CRY1: variants seen among roughly 807,000 people sequenced by gnomAD.
The protein encoded by CRY1 is cryptochrome-1.
CRY1 carries 45 observed loss-of-function variants against 76.0 expected under a neutral mutation model. The observed-to-expected ratio is 0.59, with a 90% CI of 0.47 to 0.76. CRY1 has a LOEUF of 0.76. CRY1 is among the 30% of genes least tolerant of loss of function. The probability of loss-of-function intolerance (pLI) is 0.00; values close to 1 mark genes in which losing one functional copy is unlikely to be tolerated. For missense variants in CRY1, 587 were observed against 716.4 expected, an observed-to-expected ratio of 0.82 and a Z score of 2.06; for synonymous variants, 248 against 244.0, an observed-to-expected ratio of 1.02 and a Z score of -0.15.
chr12:107,092,358 TGG>T, intron 1 of CRY1, among the ~76,000 whole-genome samples: 1 of 152,334 alleles, frequency 6.6e-6, no homozygotes, highest in African/African-American at 2.4e-5. Flanking sequence ...GGAAGAACAC[TGG>T]ATCTGGAGCC....
chr12:107,052,360 A>G (rs528186103), intron 1 of CRY1, among the ~76,000 whole-genome samples: 4 of 152,170 alleles, frequency 2.6e-5, no homozygotes, highest in Non-Finnish European at 5.9e-5. Context: ...ATAATCATTT[A>G]TTTATTCAAC....
intron 2 of CRY1, among the ~76,000 whole-genome samples, chr12:107,018,807 A>G (rs889376391): frequency 6.6e-6 from 1 of 152,168 alleles, no homozygotes; most frequent in Non-Finnish European, 1.5e-5. Flanking sequence ...GCCAGAAAAA[A>G]TGACAATAGT....
intron 1 of CRY1, among the ~76,000 whole-genome samples, chr12:107,027,390 C>T (rs1039477469): frequency 7.9e-5 from 12 of 152,134 alleles, no homozygotes; most frequent in African/African-American, 2.7e-4. Context: ...TTTTCTTGAA[C>T]TACACCCATT....
intron 1 of CRY1, among the ~76,000 whole-genome samples, chr12:107,058,953 G>A (rs191804564): frequency 1.3e-5 from 2 of 152,296 alleles, no homozygotes; most frequent in African/African-American, 2.4e-5. Flanking sequence ...GACACTGTAA[G>A]CACAGATATG....
At chr12:107,056,955 A>G (rs1952990571) in intron 1 of CRY1, among the ~76,000 whole-genome samples, 1 of 152,190 alleles carries the variant, frequency 6.6e-6, no homozygotes. Context: ...AAAAGATAAA[A>G]GAGTTTGTCT....
intron 2 of CRY1, among the ~76,000 whole-genome samples, chr12:107,007,464 T>C (rs539935360): frequency 1.3e-5 from 2 of 152,004 alleles, no homozygotes; most frequent in African/African-American, 4.8e-5. Flanking sequence ...ATAATGCATA[T>C]AGAGTGTTTA....
chr12:107,007,314 C>CTATATGTTTATAGACA (rs1952386169), intron 2 of CRY1, among the ~76,000 whole-genome samples: 1 of 152,146 alleles, frequency 6.6e-6, no homozygotes. Flanking sequence ...CTCTCCATGC[C>CTATATGTTTATAGACA]TGTTTCCTAG....
In CRY1 at chr12:107,014,856, C is replaced by CTA. The variant is rs146470697; in HGVS notation, c.267+7226_267+7227dup. On this transcript the variant is annotated intron_variant, in intron 2 of 12. Coordinates refer to ENST00000008527, the MANE Select transcript of CRY1 (RefSeq NM_004075.5). ...GCATTAGGATATAACCTGGGTGTAT[C>CTA]TATATATATATATTTTGTGTGTTTT... Among the ~76,000 whole-genome samples, 7 of 151,494 alleles carry CTA rather than the reference C, an allele frequency of 4.6e-5. No homozygotes were observed. The South Asian group carries it at 6.3e-4, about 14-fold the overall frequency.
intron 3 of CRY1, among the ~76,000 whole-genome samples, chr12:107,004,659 G>A (rs1952349556): frequency 6.6e-6 from 1 of 151,966 alleles, no homozygotes; most frequent in Non-Finnish European, 1.5e-5. Context: ...ATTTGCATCT[G>A]GATTTAAAAT....
intron 2 of CRY1, 96 bp downstream of exon 2, chr12:107,021,988 A>G: frequency 1.1e-6 from 1 of 947,884 alleles, no homozygotes; most frequent in Non-Finnish European, 1.6e-6. Context: ...AAATACTTAT[A>G]TTCGCTACAT....
intron 2 of CRY1, among the ~76,000 whole-genome samples, chr12:107,017,718 T>G (rs754633983): frequency 1.3e-5 from 2 of 152,194 alleles, no homozygotes; most frequent in Non-Finnish European, 2.9e-5. Flanking sequence ...TAAGGGCAAG[T>G]CAGATTCAAT....
intron 2 of CRY1, among the ~76,000 whole-genome samples, chr12:107,007,223 A>G (rs926117524): frequency 1.3e-5 from 2 of 152,226 alleles, no homozygotes; most frequent in Non-Finnish European, 2.9e-5. Context: ...GGTAGTATAG[A>G]ATAGTTTAAA....
intron 2 of CRY1, among the ~76,000 whole-genome samples, chr12:107,007,952 A>T (rs1171239798): frequency 2.6e-5 from 4 of 152,216 alleles, no homozygotes; most frequent in African/African-American, 9.6e-5. Context: ...CAGGGGGCTA[A>T]AGATAAAAAT....
chr12:107,088,384 G>T (rs1404612746), intron 1 of CRY1, among the ~76,000 whole-genome samples: 5 of 152,172 alleles, frequency 3.3e-5, no homozygotes, highest in Admixed American at 6.5e-5. Flanking sequence ...AGAGGCTGAA[G>T]CCATGCTTCT....
At chr12:107,076,345 G>A (rs1953251663) in intron 1 of CRY1, among the ~76,000 whole-genome samples, 2 of 152,114 alleles carry the variant, frequency 1.3e-5, no homozygotes, top group South Asian at 4.2e-4. Context: ...ACGCAGTGGT[G>A]CATGCCTGTA....
intron 1 of CRY1, among the ~76,000 whole-genome samples, chr12:107,035,369 T>C (rs1952722861): frequency 6.6e-6 from 1 of 152,194 alleles, no homozygotes; most frequent in Non-Finnish European, 1.5e-5. Flanking sequence ...GACATTGTTG[T>C]GGTCCCTGGT....
intron 2 of CRY1, among the ~76,000 whole-genome samples, chr12:107,013,819 G>T (rs1279021973): frequency 1.3e-5 from 2 of 152,120 alleles, no homozygotes; most frequent in African/African-American, 4.8e-5. Flanking sequence ...TATTTTAAAA[G>T]ATAAAATAGC....
chr12:107,083,971 A>G (rs1310305547), intron 1 of CRY1, among the ~76,000 whole-genome samples: 2 of 152,206 alleles, frequency 1.3e-5, no homozygotes, highest in African/African-American at 4.8e-5. Context: ...CCTTAAGCTG[A>G]TAAGCAACTT....
Position 107,092,932 on chromosome 12 carries a change from T to A in CRY1, c.30A>T (p.Arg10=), listed in dbSNP as rs1192037070. The A allele has an allele frequency of 1.9e-6, 3 of 1,599,118 alleles. No individual in the cohort carries two copies. Among genetic ancestry groups the A allele is most frequent in the Admixed American group, 3.4e-5 (2 of 58,694 alleles). Residue 10 remains arginine (R), a synonymous_variant, in exon 1 of 13, where the codon CGA becomes CGT. Transcript: ENST00000008527. MGVNAVHWF[R]KGLRLHDNPA... is the part of the protein sequence containing the mutation. ...GGTTGTCGTGGAGCCGGAGCCCCTTTCGGAACCAGTGCACGGCGTTCACCC... is the reference window on the plus strand; with the variant it reads ...GGTTGTCGTGGAGCCGGAGCCCCTTACGGAACCAGTGCACGGCGTTCACCC...
Sources: allele counts gnomAD v4.1 joint callset (sites outside exome capture counted in the v4.1 genomes callset), GRCh38; gene constraint gnomAD v4.1.1; transcripts MANE v1.5; gene names NCBI Gene and HGNC (gene_info 2026-07-23, HGNC 2026-07-21).